ALX3: variants seen among roughly 807,000 people sequenced by gnomAD.
ALX3 encodes ALX homeobox 3.
In ALX3, 17 loss-of-function variants were observed where a neutral mutation model predicts 26.3. That is an observed-to-expected ratio of 0.65 (90% CI 0.44 to 0.97). The LOEUF is 0.97. Ranked by LOEUF, ALX3 falls within the 50% of genes least tolerant of loss-of-function variation. The probability of loss-of-function intolerance (pLI) is 0.00; values close to 1 mark genes in which losing one functional copy is unlikely to be tolerated. For missense variants in ALX3, 461 were observed against 466.5 expected (o/e 0.99, Z 0.11); for synonymous variants, 208 against 201.4 (o/e 1.03, Z -0.28).
intron 3 of ALX3, 35 bp downstream of exon 3, chr1:110,061,400 G>T (rs1570936306): frequency 6.2e-7 from 1 of 1,614,186 alleles, no homozygotes. Flanking sequence ...TGGTGACCCT[G>T]CCAGGTCCTG....
chr1:110,068,375 C>G (rs865819467), intron 1 of ALX3, among the ~76,000 whole-genome samples: 1 of 152,248 alleles, frequency 6.6e-6, no homozygotes, highest in Non-Finnish European at 1.5e-5. Context: ...GGCTCCACCG[C>G]GCGCCGCGCT....
rs768080424 is a variant in ALX3, at chr1:110,064,768, G to A, written c.413C>T (p.Pro138Leu). The change falls in exon 2 of 4, where the codon CCG (proline) becomes CTG (leucine). Residue 138 changes from proline to leucine, a missense_variant. Physicochemically the swap from Pro to Leu is moderately conservative, Grantham distance 98 (BLOSUM62 -3). Around this residue, in one of 3 missense-constraint regions of ALX3, gnomAD observed 241 missense variants for 206.1 expected, o/e 1.17. Coordinates refer to ENST00000647563, the MANE Select transcript of ALX3 (RefSeq NM_006492.3). ...CAACTCCATGGAGTCAGGGAGTCCCGGGGAAAGAGGAAGATGCAGGCTGGC... is the reference window on the plus strand; with the variant it reads ...CAACTCCATGGAGTCAGGGAGTCCCAGGGAAAGAGGAAGATGCAGGCTGGC... ...CLASLHLPLS[P>L]GLPDSMELAK... 3.7e-5 allele frequency: 59 copies of A among 1,614,110 alleles called. 2 individuals are homozygous for A. The East Asian group carries it at 6.7e-4, about 18-fold the overall frequency.
At chr1:110,066,192 G>A (rs1422700601) in intron 1 of ALX3, among the ~76,000 whole-genome samples, 1 of 152,228 alleles carries the variant, frequency 6.6e-6, no homozygotes, top group Admixed American at 6.5e-5. Context: ...CACTGTGAAG[G>A]ACAAATGGGG....
chr1:110,064,103 AC>A (rs1411719493), intron 2 of ALX3, among the ~76,000 whole-genome samples: 2 of 151,810 alleles, frequency 1.3e-5, no homozygotes, highest in African/African-American at 4.8e-5. Context: ...AGAATCACTA[AC>A]CCTGAGACCT....
Position 110,070,603 on chromosome 1 carries a change from C to A in ALX3, c.10G>T (p.Glu4Ter). MDP[E>*]HCAPFRVGPA... ...CCCACGCGGAAAGGCGCGCAGTGCT[C>A]GGGGTCCATGCCGGCTCAGGGCGCA... The change falls in exon 1 of 4, where the codon GAG (glutamate) becomes TAG (stop). Residue 4 changes from glutamate (E) to a stop codon, truncating the protein, a stop_gained. Coordinates refer to ENST00000647563, the MANE Select transcript of ALX3 (RefSeq NM_006492.3). LOFTEE classifies it high-confidence loss of function. 2 of 1,258,460 alleles carry A rather than the reference C, an allele frequency of 1.6e-6. No individual in the cohort carries two copies. Among genetic ancestry groups the A allele is most frequent in the Non-Finnish European group, 1.0e-6 (1 of 1,001,386 alleles). 78.0% of individuals were successfully genotyped at this position (1,258,460 alleles called of 1,614,324 possible).
At chr1:110,070,089 C>T (rs1653880881) in intron 1 of ALX3, among the ~76,000 whole-genome samples, 3 of 152,126 alleles carry the variant, frequency 2.0e-5, no homozygotes, top group Admixed American at 2.0e-4. Flanking sequence ...CTGCACCTTC[C>T]CTCGACCTCC....
In ALX3 at chr1:110,064,720, C is replaced by T. The variant is rs1286337278; in HGVS notation, c.461G>A (p.Arg154His). The T allele has an allele frequency of 1.2e-6, 2 of 1,614,252 alleles. No individual in the cohort carries two copies. The highest frequency in any genetic ancestry group is 1.7e-6 in the Non-Finnish European group (2 of 1,180,050). ...MELAKNKSKK[R>H]RNRTTFSTFQ... ...TGTGCTGAAGGTCGTGCGGTTACGA[C>T]GCTTCTTGCTCTTGTTCTTGGCCAA... is the stretch of plus-strand genomic sequence containing the variant. The change falls in exon 2 of 4, where the codon CGT becomes CAT. Residue 154 changes from arginine (R) to histidine (H), a missense_variant. Physicochemically the swap from Arg to His is conservative, Grantham distance 29. Coordinates refer to ENST00000647563, the MANE Select transcript of ALX3 (RefSeq NM_006492.3).
Position 110,060,945 on chromosome 1 carries a change from A to G in ALX3, c.820T>C (p.Tyr274His). Reference sequence around the variant, plus strand: ...GCCACACTCCCATGGGGGTGGGAATATGGAGACATGCATGGGGAGGGGATG... The same window carrying G: ...GCCACACTCCCATGGGGGTGGGAATGTGGAGACATGCATGGGGAGGGGATG... Reference protein sequence around the residue: ...EGIPSPCMSPYSHPHGSVAGF... With the variant: ...EGIPSPCMSPHSHPHGSVAGF... The change falls in exon 4 of 4, where the codon TAT (tyrosine) becomes CAT (histidine). Residue 274 changes from tyrosine (Y) to histidine (H), a missense_variant. Physicochemically the swap from Tyr to His is moderately conservative, Grantham distance 83. Around this residue, in one of 3 missense-constraint regions of ALX3, gnomAD observed 169 missense variants for 178.0 expected, o/e 0.95. Transcript: ENST00000647563. 5 of 1,613,198 alleles carry G rather than the reference A, an allele frequency of 3.1e-6. No homozygotes were observed. Among genetic ancestry groups the G allele is most frequent in the Middle Eastern group, 1.7e-4 (1 of 6,054 alleles).
At position 110,064,652 on chromosome 1, in the gene ALX3, A is replaced by G. The variant is rs1653736557; in HGVS notation, c.529T>C (p.Tyr177His). 6.2e-7 allele frequency: 1 copy of G among 1,614,184 alleles called. No homozygotes were observed. Among genetic ancestry groups the G allele is most frequent in the East Asian group, 2.2e-5 (1 of 44,884 alleles). The stretch of plus-strand genomic sequence containing the variant: ...TGCTCCCGGGCATACACATCAGGAT[A>G]GTGGGTTTTCTGGAAGACCTTCTCC... ...ELEKVFQKTH[Y>H]PDVYAREQLA... The change falls in exon 2 of 4, where the codon TAT becomes CAT. Residue 177 changes from tyrosine (Y) to histidine (H), a missense_variant. Transcript: ENST00000647563.
In ALX3 at chr1:110,060,666, G is replaced by GTGCTTCCTCCGTGGTGTCCAGGCAGGGT; in HGVS notation, c.*66_*67insACCCTGCCTGGACACCACGGAGGAAGCA. The GTGCTTCCTCCGTGGTGTCCAGGCAGGGT allele has an allele frequency of 6.6e-7, 1 of 1,519,244 alleles. No individual in the cohort carries two copies. Among genetic ancestry groups the GTGCTTCCTCCGTGGTGTCCAGGCAGGGT allele is most frequent in the Non-Finnish European group, 8.9e-7 (1 of 1,123,414 alleles). The allele number at this position is 1,519,244 out of a possible 1,614,324, so 94.1% of individuals were successfully genotyped here. A position where few individuals can be genotyped will look rare whatever the true frequency, so the allele number is the denominator to read the frequency against. ...AACCATCTGGGGCTTGGAGGCAGAGGTGGGCTGGGAGCGACTGGGAATGGA... is the reference window on the plus strand; with the variant it reads ...AACCATCTGGGGCTTGGAGGCAGAGGTGCTTCCTCCGTGGTGTCCAGGCAGGGTTGGGCTGGGAGCGACTGGGAATGGA... On this transcript the variant is annotated 3_prime_UTR_variant, in exon 4 of 4. Transcript: ENST00000647563.
At position 110,067,732 on chromosome 1, in the gene ALX3, C is replaced by T. The variant is rs534001308; in HGVS notation, c.277+2604G>A. ...CGGCCACTGTGGGGTCACTAAGCGA[C>T]CTGCAGAACTCGCTGAGGCCCAGGC... On this transcript the variant is annotated intron_variant, in intron 1 of 3. Transcript: ENST00000647563. Among the ~76,000 whole-genome samples, 9 of 152,380 alleles carry T rather than the reference C, an allele frequency of 5.9e-5. No homozygotes were observed. The South Asian group carries it at 1.9e-3, about 32-fold the overall frequency.
chr1:110,063,422 G>A (rs1022733344), intron 2 of ALX3, among the ~76,000 whole-genome samples: 1 of 152,130 alleles, frequency 6.6e-6, no homozygotes, highest in Admixed American at 6.5e-5. Context: ...CAGAGAAGGG[G>A]AAACAGCCCA....
At chr1:110,067,930 G>T (rs1653828489) in intron 1 of ALX3, among the ~76,000 whole-genome samples, 1 of 152,266 alleles carries the variant, frequency 6.6e-6, no homozygotes, top group Non-Finnish European at 1.5e-5. Context: ...CGGGTCATCC[G>T]GCTCAGGGCC....
chr1:110,069,628 G>A (rs568605058), intron 1 of ALX3, among the ~76,000 whole-genome samples: 3 of 152,260 alleles, frequency 2.0e-5, no homozygotes, highest in African/African-American at 7.2e-5. Context: ...TCCAGCGCGG[G>A]GAAGCCAAGA....
chr1:110,061,888 C>T (rs1348318650), intron 2 of ALX3: 2 of 401,242 alleles, frequency 5.0e-6, no homozygotes, highest in East Asian at 1.0e-4. Flanking sequence ...CTAGGTACTT[C>T]CTGGGTATAC....
At chr1:110,064,413 G>T (rs1252371837) in intron 2 of ALX3, among the ~76,000 whole-genome samples, 174 bp downstream of exon 2, 2 of 152,218 alleles carry the variant, frequency 1.3e-5, no homozygotes, top group East Asian at 1.9e-4. Context: ...AGAGCCTGTG[G>T]CTGCAGCAGA....
At chr1:110,068,348 C>A (rs1045003734) in intron 1 of ALX3, among the ~76,000 whole-genome samples, 4 of 152,228 alleles carry the variant, frequency 2.6e-5, no homozygotes, top group African/African-American at 9.6e-5. Context: ...TGGGGGCTGA[C>A]TGTCCTCAAG....
chr1:110,067,678 A>G (rs1653821263), intron 1 of ALX3, among the ~76,000 whole-genome samples: 1 of 152,234 alleles, frequency 6.6e-6, no homozygotes, highest in Non-Finnish European at 1.5e-5. Context: ...ATTTCGCTGC[A>G]GCCTTGTCCC....
At chr1:110,064,543 G>A (rs1282341726) in intron 2 of ALX3, 44 bp downstream of exon 2, 2 of 1,608,506 alleles carry the variant, frequency 1.2e-6, no homozygotes, top group Admixed American at 1.7e-5. Flanking sequence ...TGGTCACTGT[G>A]TGATAGGGGC....
Sources: gnomAD v4.1 joint callset for allele counts (sites outside exome capture counted in the v4.1 genomes callset) on GRCh38, gnomAD v4.1.1 for gene constraint, gnomAD v4.1.1 regional missense constraint, MANE v1.5 for transcripts, NCBI Gene and HGNC (gene_info 2026-07-23, HGNC 2026-07-21) for gene names.